The following RASSF9 variants were observed in gnomAD, a reference collection of about 807,000 sequenced individuals.
RASSF9 encodes the protein ras association domain-containing protein 9.
In RASSF9, 18 loss-of-function variants were observed where a neutral mutation model predicts 21.4. That is an observed-to-expected ratio of 0.84 (90% CI 0.58 to 1.25). RASSF9 has a LOEUF of 1.25. Ranked by LOEUF, RASSF9 falls within the 50% of genes most tolerant of loss-of-function variation. RASSF9 has a pLI of 0.00. For synonymous variants in RASSF9, 183 were observed against 179.1 expected, an observed-to-expected ratio of 1.02 and a Z score of -0.18; for missense variants, 480 against 503.2, an observed-to-expected ratio of 0.95 and a Z score of 0.44.
chr12:85,820,678 T>C (rs569599761), intron 1 of RASSF9, among the ~76,000 whole-genome samples: 1 of 152,346 alleles, frequency 6.6e-6, no homozygotes, highest in African/African-American at 2.4e-5. Context: ...TATATTCTAT[T>C]AAAATGCTGA....
intron 1 of RASSF9, among the ~76,000 whole-genome samples, chr12:85,812,521 A>G (rs4919771): frequency 0.38 from 57,322 of 150,740 alleles, 11,840 homozygotes; most frequent in African/African-American, 0.52. Flanking sequence ...GGAACGATTG[A>G]ACTTGAAAAT....
intron 1 of RASSF9, among the ~76,000 whole-genome samples, chr12:85,812,805 G>T (rs1344459835): frequency 6.6e-6 from 1 of 151,454 alleles, no homozygotes; most frequent in Non-Finnish European, 1.5e-5. Flanking sequence ...TAATCTTATT[G>T]AACTTACTAT....
chr12:85,809,586 T>C (rs1263593965), intron 1 of RASSF9, among the ~76,000 whole-genome samples: 1 of 151,904 alleles, frequency 6.6e-6, no homozygotes, highest in Non-Finnish European at 1.5e-5. Flanking sequence ...AGCAGACATA[T>C]AAATTCTTCA....
At position 85,805,127 on chromosome 12, in the gene RASSF9, A is replaced by G. The variant is rs1248949096; in HGVS notation, c.883T>C (p.Cys295Arg). The G allele has an allele frequency of 6.2e-7, 1 of 1,613,996 alleles. No individual in the cohort carries two copies. Among genetic ancestry groups the G allele is most frequent in the Non-Finnish European group, 8.5e-7 (1 of 1,179,906 alleles). ...AEIEKEVKSVCIDINEDAEGE... is the reference protein window; with the variant it reads ...AEIEKEVKSVRIDINEDAEGE... The stretch of plus-strand genomic sequence containing the variant: ...TCCGCATCTTCATTTATATCAATGC[A>G]AACACTTTTTACCTCTTTTTCTATT... The change falls in exon 2 of 2, where the codon TGC (cysteine) becomes CGC (arginine). Residue 295 changes from cysteine to arginine, a missense_variant. Physicochemically the swap from Cys to Arg is radical, Grantham distance 180 (BLOSUM62 -3). Transcript: ENST00000361228.
rs1460186534 is a variant in RASSF9, at chr12:85,801,595, A to C, written c.*3107T>G. The C allele has an allele frequency of 6.6e-6, 1 of 152,270 alleles. No homozygotes were observed. The allele number at this position is 152,270 out of a possible 1,614,324, so 9.4% of individuals were successfully genotyped here. On this transcript the variant is annotated 3_prime_UTR_variant, in exon 2 of 2. Transcript: ENST00000361228. ...TGGGAGGCCAAGACGGGTGGATCAC[A>C]AGGTCAGGACATCGAGACCATCCTG... is the stretch of plus-strand genomic sequence containing the variant.
chr12:85,835,195 T>C (rs1434070399), intron 1 of RASSF9, among the ~76,000 whole-genome samples: 1 of 152,120 alleles, frequency 6.6e-6, no homozygotes, highest in African/African-American at 2.4e-5. Flanking sequence ...TTGTATCCTT[T>C]TGAATCTGCA....
chr12:85,826,447 ATTT>A (rs560187497), intron 1 of RASSF9, among the ~76,000 whole-genome samples: 8 of 130,644 alleles, frequency 6.1e-5, no homozygotes, highest in Admixed American at 7.8e-5. Context: ...TCCTTCCAAT[ATTT>A]TTTTTTTTTT....
At chr12:85,830,955 G>T (rs1197948730) in intron 1 of RASSF9, among the ~76,000 whole-genome samples, 1 of 152,092 alleles carries the variant, frequency 6.6e-6, no homozygotes, top group Non-Finnish European at 1.5e-5. Flanking sequence ...TGGATGTCAA[G>T]AAATTAATTA....
chr12:85,836,389 T>G lies in RASSF9; in HGVS notation c.-188A>C, dbSNP rs1343916547. 1 of 1,297,542 alleles carries G rather than the reference T, an allele frequency of 7.7e-7. No individual in the cohort carries two copies. Among genetic ancestry groups the G allele is most frequent in the Non-Finnish European group, 1.0e-6 (1 of 963,802 alleles). 80.4% of individuals were successfully genotyped at this position (1,297,542 alleles called of 1,614,324 possible). ...GGAAGTTGTGCAACTGCTGCTTAAC[T>G]TTGAACTGCGGGATTGTTGTGGCTG... On this transcript the variant is annotated 5_prime_UTR_variant, in exon 1 of 2. Coordinates refer to ENST00000361228, the MANE Select transcript of RASSF9 (RefSeq NM_005447.4).
At chr12:85,833,870 T>C (rs1225174380) in intron 1 of RASSF9, among the ~76,000 whole-genome samples, 1 of 152,038 alleles carries the variant, frequency 6.6e-6, no homozygotes, top group Admixed American at 6.6e-5. Context: ...TGTCTTATCA[T>C]AAATCACATT....
rs1041082316 is a variant in RASSF9, at chr12:85,830,274, A to G, written c.47+5881T>C. Among the ~76,000 whole-genome samples, 29 of 152,124 alleles carry G rather than the reference A, an allele frequency of 1.9e-4. 1 individual carries two copies. Among genetic ancestry groups the G allele is most frequent in the Non-Finnish European group, 4.4e-5 (3 of 67,966 alleles). On this transcript the variant is annotated intron_variant, in intron 1 of 1. Transcript: ENST00000361228. ...TTTGTTTTTCTACCAAAAGTCTGGT[A>G]AAGTTGTATGTCATCTATTTATTAG...
chr12:85,804,351 T>C lies in RASSF9; in HGVS notation c.*351A>G, dbSNP rs1203692590. The C allele has an allele frequency of 5.5e-6, 1 of 183,114 alleles. No homozygotes were observed. Among genetic ancestry groups the C allele is most frequent in the Non-Finnish European group, 1.1e-5 (1 of 88,720 alleles). 11.3% of individuals were successfully genotyped at this position (183,114 alleles called of 1,614,324 possible). On this transcript the variant is annotated 3_prime_UTR_variant, in exon 2 of 2. Coordinates refer to ENST00000361228, the MANE Select transcript of RASSF9 (RefSeq NM_005447.4). ...CATTTTAATTCTACTTCTTCATGTTTGAATATTTGGACTGTCTAATATTGA... is the reference window on the plus strand; with the variant it reads ...CATTTTAATTCTACTTCTTCATGTTCGAATATTTGGACTGTCTAATATTGA...
At chr12:85,827,655 T>C (rs988826639) in intron 1 of RASSF9, among the ~76,000 whole-genome samples, 1 of 152,152 alleles carries the variant, frequency 6.6e-6, no homozygotes, top group African/African-American at 2.4e-5. Flanking sequence ...TTCCTTCATG[T>C]TTTCCACAGC....
At chr12:85,819,212 T>A (rs971135986) in intron 1 of RASSF9, among the ~76,000 whole-genome samples, 33 of 84,254 alleles carry the variant, frequency 3.9e-4, no homozygotes, top group African/African-American at 1.9e-3. Context: ...CTTTAAGCAT[T>A]TTTTTTTTTC....
chr12:85,807,731 G>GA (rs1347716939), intron 1 of RASSF9, among the ~76,000 whole-genome samples: 4 of 151,634 alleles, frequency 2.6e-5, no homozygotes, highest in Non-Finnish European at 2.9e-5. Context: ...AGGTCAAGGG[G>GA]AAAAAAACAC....
rs1319215240 is a variant in RASSF9, at chr12:85,805,533, T to C, written c.477A>G (p.Arg159=). Residue 159 remains arginine, a synonymous_variant, in exon 2 of 2, where the codon AGA becomes AGG. Coordinates refer to ENST00000361228, the MANE Select transcript of RASSF9 (RefSeq NM_005447.4). ...MKTLPPDKQK[R]IVRKTFRKLA... is the part of the protein sequence containing the mutation. Reference sequence around the variant, plus strand: ...GTTTCCGGAAAGTTTTCCTGACTATTCTTTTTTGTTTATCTGGTGGTAAAG... The same window carrying C: ...GTTTCCGGAAAGTTTTCCTGACTATCCTTTTTTGTTTATCTGGTGGTAAAG... 1 of 1,613,858 alleles carries C rather than the reference T, an allele frequency of 6.2e-7. No individual in the cohort carries two copies. The highest frequency in any genetic ancestry group is 8.5e-7 in the Non-Finnish European group (1 of 1,179,908).
Position 85,805,685 on chromosome 12 carries a change from T to C in RASSF9, c.325A>G (p.Asn109Asp), listed in dbSNP as rs1315367985. Residue 109 changes from asparagine (N) to aspartate (D), a missense_variant, in exon 2 of 2, where the codon AAT (asparagine) becomes GAT (aspartate). Transcript: ENST00000361228. ...GCTTTAACCAAAACAAATTGCATAT[T>C]GGGCTGCTCATCTCCCCACGCTTTC... is the stretch of plus-strand genomic sequence containing the variant. ...LWKAWGDEQP[N>D]MQFVLVKADA... 4 of 1,613,868 alleles carry C rather than the reference T, an allele frequency of 2.5e-6. No individual in the cohort carries two copies. The Admixed American group carries it at 6.7e-5, about 27-fold the overall frequency.
At chr12:85,814,683 T>C (rs1021302117) in intron 1 of RASSF9, among the ~76,000 whole-genome samples, 1 of 151,836 alleles carries the variant, frequency 6.6e-6, no homozygotes, top group Non-Finnish European at 1.5e-5. Flanking sequence ...CTCCTTTTCA[T>C]CCCATCATCA....
chr12:85,816,407 A>T (rs1447411746), intron 1 of RASSF9, among the ~76,000 whole-genome samples: 1 of 152,074 alleles, frequency 6.6e-6, no homozygotes, highest in Non-Finnish European at 1.5e-5. Context: ...CATGCTGTAG[A>T]GGGTAAATAA....
Sources: gnomAD v4.1 joint callset for allele counts (sites outside exome capture counted in the v4.1 genomes callset) on GRCh38, gnomAD v4.1.1 for gene constraint, MANE v1.5 for transcripts, NCBI Gene and HGNC (gene_info 2026-07-23, HGNC 2026-07-21) for gene names.